Variants in HS6ST2 observed in about 807,000 individuals in gnomAD.
HS6ST2 encodes the protein heparan-sulfate 6-O-sulfotransferase 2.
HS6ST2 carries 17 observed loss-of-function variants against 33.0 expected under a neutral mutation model. That is an observed-to-expected ratio of 0.52 (90% CI 0.35 to 0.77). The LOEUF (loss-of-function observed/expected upper bound fraction) is 0.77. Among genes scored for constraint, HS6ST2 ranks in the 30% least tolerant of loss-of-function variants. HS6ST2 has a pLI of 0.01. For missense variants in HS6ST2, 519 were observed against 551.7 expected, an observed-to-expected ratio of 0.94 and a Z score of 0.59; for synonymous variants, 248 against 237.1, an observed-to-expected ratio of 1.05 and a Z score of -0.42.
At chrX:132,818,495 T>C (rs778126581) in intron 2 of HS6ST2, among the ~76,000 whole-genome samples, 4 of 111,469 alleles carry the variant, frequency 3.6e-5, no homozygotes, top group Non-Finnish European at 7.5e-5. Context: ...CATCAAAATA[T>C]AGAATGATGA....
At chrX:132,698,859 G>A (rs1057222442) in intron 3 of HS6ST2, among the ~76,000 whole-genome samples, 3 of 111,840 alleles carry the variant, frequency 2.7e-5, no homozygotes, top group African/African-American at 9.7e-5. Context: ...CTGAGAGAAG[G>A]AACTATATTT....
At chrX:132,950,038 C>T (rs1314682065) in intron 2 of HS6ST2, among the ~76,000 whole-genome samples, 3 of 111,922 alleles carry the variant, frequency 2.7e-5, no homozygotes, top group Non-Finnish European at 3.8e-5. Flanking sequence ...TTGAACCATT[C>T]TTCTCCATGT....
intron 2 of HS6ST2, among the ~76,000 whole-genome samples, chrX:132,880,578 A>G (rs1179510228): frequency 9.1e-6 from 1 of 109,542 alleles, no homozygotes; most frequent in Non-Finnish European, 1.9e-5. Context: ...ATCTGGGAAG[A>G]TGTGTCGCAA....
chrX:132,728,688 T>C (rs1314451104), intron 2 of HS6ST2, among the ~76,000 whole-genome samples: 1 of 112,060 alleles, frequency 8.9e-6, no homozygotes, highest in East Asian at 2.8e-4. Context: ...ACTCTGGCAA[T>C]AAGGGAAAGA....
chrX:132,939,920 G>A lies in HS6ST2; in HGVS notation c.947+16888C>T, dbSNP rs191616610. 5.8e-3 allele frequency among the ~76,000 whole-genome samples: 645 copies of A among 111,256 alleles called. 2 individuals are homozygous for A. The highest frequency in any genetic ancestry group is 0.012 in the South Asian group (32 of 2,626). ...TACAATCCCTAAAAAAATCCCAGCC[G>A]GCTTCTTTGTGGATATTGATAAGCT... On this transcript the variant is annotated intron_variant, in intron 2 of 4. Transcript: ENST00000370833.
intron 4 of HS6ST2, among the ~76,000 whole-genome samples, chrX:132,644,768 CCT>C (rs1314073772): frequency 9.1e-6 from 1 of 110,444 alleles, no homozygotes; most frequent in East Asian, 2.9e-4. Context: ...ATCAGTTCCT[CCT>C]CCCACCAATC....
At chrX:132,936,414 A>G (rs894553651) in intron 2 of HS6ST2, among the ~76,000 whole-genome samples, 1 of 111,583 alleles carries the variant, frequency 9.0e-6, no homozygotes, top group African/African-American at 3.3e-5. Flanking sequence ...AAGAATTAAC[A>G]CCAAGCTTTC....
At chrX:132,768,700 T>C (rs1199869046) in intron 2 of HS6ST2, among the ~76,000 whole-genome samples, 1 of 112,238 alleles carries the variant, frequency 8.9e-6, no homozygotes, top group Non-Finnish European at 1.9e-5. Context: ...AGCTTCCTTA[T>C]CATGTTCAAC....
chrX:132,830,622 C>T (rs1309509961), intron 2 of HS6ST2, among the ~76,000 whole-genome samples: 1 of 112,355 alleles, frequency 8.9e-6, no homozygotes, highest in African/African-American at 3.2e-5. Flanking sequence ...CTCAGAACTT[C>T]CAGAGATTTT....
chrX:132,674,081 C>T (rs1443240936), intron 3 of HS6ST2, among the ~76,000 whole-genome samples: 2 of 111,748 alleles, frequency 1.8e-5, no homozygotes, highest in Admixed American at 9.5e-5. Context: ...AAGTATCTTA[C>T]GCTCATTATC....
chrX:132,883,168 T>C (rs1234495634), intron 2 of HS6ST2, among the ~76,000 whole-genome samples: 2 of 111,589 alleles, frequency 1.8e-5, no homozygotes, highest in African/African-American at 6.5e-5. Context: ...GGATTCCCTC[T>C]TTTTCTACTG....
chrX:132,800,678 C>A (rs148657717), intron 2 of HS6ST2, among the ~76,000 whole-genome samples: 2 of 111,147 alleles, frequency 1.8e-5, no homozygotes, highest in African/African-American at 6.5e-5. Context: ...CCATGATCTG[C>A]AATTGTGAGC....
chrX:132,672,189 T>G (rs888999821), intron 3 of HS6ST2, among the ~76,000 whole-genome samples: 2 of 110,597 alleles, frequency 1.8e-5, no homozygotes, highest in Admixed American at 9.6e-5. Context: ...GACCTAAAGA[T>G]TAAGATCCTG....
chrX:132,885,843 C>T (rs755846713), intron 2 of HS6ST2, among the ~76,000 whole-genome samples: 10 of 111,509 alleles, frequency 9.0e-5, no homozygotes, highest in South Asian at 3.8e-4. Context: ...GCACAGACAT[C>T]GGGGGCTACA....
chrX:132,930,140 C>T (rs1408971557), intron 2 of HS6ST2, among the ~76,000 whole-genome samples: 1 of 108,974 alleles, frequency 9.2e-6, no homozygotes, highest in African/African-American at 3.4e-5. Context: ...TTGCTTTTTT[C>T]GTTGTTGTTG....
chrX:132,869,050 A>G (rs2066026448), intron 2 of HS6ST2, among the ~76,000 whole-genome samples: 1 of 111,262 alleles, frequency 9.0e-6, no homozygotes, highest in South Asian at 3.8e-4. Flanking sequence ...CTAATAAAGA[A>G]GAAAAGAGAG....
At chrX:132,737,686 G>A (rs995808518) in intron 2 of HS6ST2, among the ~76,000 whole-genome samples, 4 of 112,207 alleles carry the variant, frequency 3.6e-5, no homozygotes, top group African/African-American at 1.3e-4. Flanking sequence ...GGTCCATTCC[G>A]GGAAAACAGT....
chrX:132,740,927 G>A (rs1303101183), intron 2 of HS6ST2, among the ~76,000 whole-genome samples: 3 of 112,363 alleles, frequency 2.7e-5, no homozygotes, highest in African/African-American at 9.7e-5. Flanking sequence ...ACAGACAGTG[G>A]CTGAGGAGAG....
intron 2 of HS6ST2, among the ~76,000 whole-genome samples, chrX:132,721,618 T>G (rs1464868252): frequency 8.9e-6 from 1 of 112,195 alleles, no homozygotes; most frequent in Non-Finnish European, 1.9e-5. Flanking sequence ...AATCATGAAT[T>G]ATTTTGGAAT....
Sources: gnomAD v4.1 joint callset for allele counts (sites outside exome capture counted in the v4.1 genomes callset) on GRCh38, gnomAD v4.1.1 for gene constraint, MANE v1.5 for transcripts, NCBI Gene and HGNC (gene_info 2026-07-23, HGNC 2026-07-21) for gene names.